Variants in MEGF8 observed in about 807,000 individuals in gnomAD.
MEGF8 encodes the protein multiple epidermal growth factor-like domains protein 8.
Under a neutral mutation model 302.9 loss-of-function variants are expected in MEGF8, and 156 were observed. That is an observed-to-expected ratio of 0.52 (90% CI 0.45 to 0.59). The LOEUF (loss-of-function observed/expected upper bound fraction) is 0.59, where lower values mean the gene tolerates loss of function less well. Among genes scored for constraint, MEGF8 ranks in the 20% least tolerant of loss-of-function variants. MEGF8 has a pLI of 0.00. For missense variants in MEGF8, 3,345 were observed against 3,964.5 expected (o/e 0.84, Z 4.20); for synonymous variants, 1,621 against 1,660.5 (o/e 0.98, Z 0.58).
At chr19:42,373,675 C>T (rs923217715) in intron 41 of MEGF8, among the ~76,000 whole-genome samples, 6 of 143,970 alleles carry the variant, frequency 4.2e-5, no homozygotes, top group Non-Finnish European at 7.5e-5. Context: ...GGATTCTAGG[C>T]GTGAGCCACC....
chr19:42,341,998 G>A (rs115881900), intron 8 of MEGF8, among the ~76,000 whole-genome samples: 6 of 152,190 alleles, frequency 3.9e-5, no homozygotes, highest in Non-Finnish European at 5.9e-5. Context: ...GAGGACAAGC[G>A]TAAGGAAGGA....
At chr19:42,371,274 T>G in intron 40 of MEGF8, 76 bp from the exon 41 acceptor site, 4 of 1,553,172 alleles carry the variant, frequency 2.6e-6, no homozygotes, top group Non-Finnish European at 2.6e-6. Flanking sequence ...TGCACAGAGT[T>G]GAGCTCACAT....
In MEGF8 at chr19:42,371,358, G is replaced by A; in HGVS notation, c.7145G>A (p.Cys2382Tyr). ...CTCAACTTCTTCCCCAGATGCCAGT[G>A]TAATGGCCACGCGGACACATGTAAC... ...LLDGKCTKCQ[C>Y]NGHADTCNEQ... The change falls in exon 41 of 42, where the codon TGT becomes TAT. Residue 2382 changes from cysteine to tyrosine, a missense_variant. Coordinates refer to ENST00000251268, the MANE Select transcript of MEGF8 (RefSeq NM_001271938.2). 6.2e-7 allele frequency: 1 copy of A among 1,613,906 alleles called. No individual in the cohort carries two copies. The highest frequency in any genetic ancestry group is 8.5e-7 in the Non-Finnish European group (1 of 1,179,842).
At position 42,351,912 on chromosome 19, in the gene MEGF8, C is replaced by T. The variant is rs2039379952; in HGVS notation, c.3101+151C>T. On this transcript the variant is annotated intron_variant, in intron 18 of 41. Transcript: ENST00000251268. This position sits in a 1 kb window ranked among gnomAD's most constrained non-coding sequence, Gnocchi z 5.6. ...CTGTTTTTCTGTTGTTTATTTTACC[C>T]TCCCGCTCTTTTTTCTCCATTTTTC... Among the ~76,000 whole-genome samples the T allele has an allele frequency of 6.6e-6, 1 of 152,168 alleles. No homozygotes were observed. The highest frequency in any genetic ancestry group is 1.5e-5 in the Non-Finnish European group (1 of 68,036).
rs571631264 is a variant in MEGF8 at position 42,332,707 on chromosome 19, G to A, written c.188-898G>A. Among the ~76,000 whole-genome samples, 5 of 152,360 alleles carry A rather than the reference G, an allele frequency of 3.3e-5. No homozygotes were observed. In the South Asian group the frequency reaches 1.0e-3, roughly 32 times the overall value. On this transcript the variant is annotated intron_variant, in intron 1 of 41. Transcript: ENST00000251268. ...ATCATGACAGCTGTGTTCTGAGAAG[G>A]AGCATTCTACGAGGCCCAGGTGAAA...
At chr19:42,331,907 G>A (rs544512237) in intron 1 of MEGF8, among the ~76,000 whole-genome samples, 1 of 151,026 alleles carries the variant, frequency 6.6e-6, no homozygotes, top group African/African-American at 2.4e-5. Flanking sequence ...CGCCCAGGCT[G>A]GAGTGCAGTG....
intron 13 of MEGF8, among the ~76,000 whole-genome samples, chr19:42,349,087 C>T (rs1294026562): frequency 6.6e-6 from 1 of 152,068 alleles, no homozygotes; most frequent in East Asian, 1.9e-4. Context: ...ATTGCCTGAA[C>T]CCAGAAGTTT....
Position 42,352,700 on chromosome 19 carries a change from C to T in MEGF8, c.3351-228C>T, listed in dbSNP as rs1426585388. On this transcript the variant is annotated intron_variant, in intron 19 of 41. Coordinates refer to ENST00000251268, the MANE Select transcript of MEGF8 (RefSeq NM_001271938.2). The surrounding 1 kb of genome is among the most constrained non-coding windows in gnomAD (Gnocchi z 4.4). ...ATAGTCTTCAGCGTTGCCATGGAGG[C>T]GGAGGAGGACCTAGTTGAAAGAGGT... The T allele has an allele frequency of 6.5e-5, 42 of 644,612 alleles. No individual in the cohort carries two copies. The highest frequency in any genetic ancestry group is 5.1e-4 in the South Asian group (26 of 51,034). 39.9% of individuals were successfully genotyped at this position (644,612 alleles called of 1,614,324 possible).
chr19:42,334,773 G>A lies in MEGF8; in HGVS notation c.559-262G>A, dbSNP rs138286599. ...TTTTTCTGTTGGTCTTCTTTTTTCC[G>A]TCTGTCTGCTTCCTTCTGATTGTTT... On this transcript the variant is annotated intron_variant, in intron 3 of 41. Transcript: ENST00000251268. Among the ~76,000 whole-genome samples, 309 of 151,490 alleles carry A rather than the reference G, an allele frequency of 2.0e-3. 2 individuals are homozygous for A. Among genetic ancestry groups the A allele is most frequent in the African/African-American group, 6.2e-3 (254 of 41,254 alleles).
chr19:42,349,739 C>G (rs764940315), intron 14 of MEGF8, 40 bp downstream of exon 14: 1 of 1,589,434 alleles, frequency 6.3e-7, no homozygotes, highest in Non-Finnish European at 8.6e-7. Context: ...AGCCGCAGGC[C>G]CCAGCCTCAG....
chr19:42,353,488 G>A lies in MEGF8; in HGVS notation c.3574G>A (p.Glu1192Lys), dbSNP rs1311411371. The stretch of plus-strand genomic sequence containing the variant: ...AGACTGGACATGGGGGGAGCACTGC[G>A]AACGATGCCGGCCCGGCAGCTTCGG... ...CQDWTWGEHC[E>K]RCRPGSFGNA... The change falls in exon 21 of 42, where the codon GAA becomes AAA. Residue 1192 changes from glutamate to lysine, a missense_variant. Physicochemically the swap from Glu to Lys is moderately conservative, Grantham distance 56. Coordinates refer to ENST00000251268, the MANE Select transcript of MEGF8 (RefSeq NM_001271938.2). This position sits in a 1 kb window ranked among gnomAD's most constrained non-coding sequence, Gnocchi z 6.1. 8.7e-6 allele frequency: 14 copies of A among 1,610,698 alleles called. No homozygotes were observed. Among genetic ancestry groups the A allele is most frequent in the Middle Eastern group, 1.9e-4 (1 of 5,366 alleles).
chr19:42,344,657 CCT>C lies in MEGF8; in HGVS notation c.1934-12_1934-11del, dbSNP rs760519882. ...CACACTGACCCACCGGCCCCCACCC[CCT>C]GTCTTCTCAGAGCAGGCCCGCTGCC... On this transcript the variant is annotated splice_polypyrimidine_tract_variant and intron_variant, in intron 11 of 41. Coordinates refer to ENST00000251268, the MANE Select transcript of MEGF8 (RefSeq NM_001271938.2). The surrounding 1 kb of genome is among the most constrained non-coding windows in gnomAD (Gnocchi z 4.5). 5 of 1,563,862 alleles carry C rather than the reference CCT, an allele frequency of 3.2e-6. No homozygotes were observed. The highest frequency in any genetic ancestry group is 2.3e-5 in the East Asian group (1 of 44,096).
chr19:42,353,231 C>A lies in MEGF8; in HGVS notation c.3550+104C>A. The A allele has an allele frequency of 8.7e-7, 1 of 1,142,926 alleles. No homozygotes were observed. The highest frequency in any genetic ancestry group is 1.2e-6 in the Non-Finnish European group (1 of 821,618). 70.8% of individuals were successfully genotyped at this position (1,142,926 alleles called of 1,614,324 possible). ...GAGGGGGCCTCAGTGTCCTCTCATG[C>A]AGCTCTAGGTCCCCTGCCCCATTCC... On this transcript the variant is annotated intron_variant, in intron 20 of 41. Transcript: ENST00000251268. The surrounding 1 kb of genome is among the most constrained non-coding windows in gnomAD (Gnocchi z 6.1).
chr19:42,351,822 A>G lies in MEGF8; in HGVS notation c.3101+61A>G. 2 of 1,374,820 alleles carry G rather than the reference A, an allele frequency of 1.5e-6. No homozygotes were observed. Among genetic ancestry groups the G allele is most frequent in the Non-Finnish European group, 2.0e-6 (2 of 988,744 alleles). The allele number at this position is 1,374,820 out of a possible 1,614,324, so 85.2% of individuals were successfully genotyped here. A position where few individuals can be genotyped will look rare whatever the true frequency, so the allele number is the denominator to read the frequency against. On this transcript the variant is annotated intron_variant, in intron 18 of 41. Transcript: ENST00000251268. The surrounding 1 kb of genome is among the most constrained non-coding windows in gnomAD (Gnocchi z 5.6). ...CTGTGTCCTTCCTCCATGACCGGTC[A>G]TTCTAATGGCCTCTTTGCTTCTCTG...
At chr19:42,337,992 G>A (rs1349953305) in intron 8 of MEGF8, among the ~76,000 whole-genome samples, 1 of 152,006 alleles carries the variant, frequency 6.6e-6, no homozygotes, top group Admixed American at 6.6e-5. Flanking sequence ...TTTTAGTAGA[G>A]ACAGTGTTTC....
Position 42,337,149 on chromosome 19 carries a change from C to A in MEGF8, c.1456C>A (p.Leu486Ile). ...CYEDGIFFYH[L>I]GCHQWVSGAE... ...CGAAGATGGCATCTTCTTCTACCACCTTGGCTGCCATCAATGGGTGTCAGG... is the reference window on the plus strand; with the variant it reads ...CGAAGATGGCATCTTCTTCTACCACATTGGCTGCCATCAATGGGTGTCAGG... The change falls in exon 8 of 42, where the codon CTT (leucine) becomes ATT (isoleucine). Residue 486 changes from leucine (L) to isoleucine (I), a missense_variant. Leu to Ile is a conservative substitution (Grantham distance 5, BLOSUM62 2). Transcript: ENST00000251268. 1 of 1,614,026 alleles carries A rather than the reference C, an allele frequency of 6.2e-7. No individual in the cohort carries two copies. The highest frequency in any genetic ancestry group is 1.1e-5 in the South Asian group (1 of 91,082).
chr19:42,353,703 G>T lies in MEGF8; in HGVS notation c.3761+28G>T. On this transcript the variant is annotated intron_variant, in intron 21 of 41. Coordinates refer to ENST00000251268, the MANE Select transcript of MEGF8 (RefSeq NM_001271938.2). The surrounding 1 kb of genome is among the most constrained non-coding windows in gnomAD (Gnocchi z 6.1). ...GAGCCAACGGGCCAGCCAGGGCTGG[G>T]TAGGGTGTGCTTGGGGACACAGTGG... 1 of 1,575,478 alleles carries T rather than the reference G, an allele frequency of 6.3e-7. No homozygotes were observed. The highest frequency in any genetic ancestry group is 8.7e-7 in the Non-Finnish European group (1 of 1,155,434).
chr19:42,360,874 C>G lies in MEGF8; in HGVS notation c.5588C>G (p.Ala1863Gly). The part of the protein sequence containing the change: ...LYISGGFGGV[A>G]LGRLLALTLP... ...ATCTCTGGGGGTTTCGGGGGAGTGGCCCTGGGCCGCCTGCTGGCACTGACC... is the reference window on the plus strand; with the variant it reads ...ATCTCTGGGGGTTTCGGGGGAGTGGGCCTGGGCCGCCTGCTGGCACTGACC... The change falls in exon 32 of 42, where the codon GCC becomes GGC. Residue 1863 changes from alanine (A) to glycine (G), a missense_variant. By Grantham distance (60) the Ala-to-Gly change is moderately conservative (BLOSUM62 0). Coordinates refer to ENST00000251268, the MANE Select transcript of MEGF8 (RefSeq NM_001271938.2). 6.2e-7 allele frequency: 1 copy of G among 1,613,510 alleles called. No homozygotes were observed. Among genetic ancestry groups the G allele is most frequent in the Non-Finnish European group, 8.5e-7 (1 of 1,179,868 alleles).
chr19:42,332,406 C>T (rs1361457051), intron 1 of MEGF8, among the ~76,000 whole-genome samples: 1 of 151,796 alleles, frequency 6.6e-6, no homozygotes, highest in Non-Finnish European at 1.5e-5. Flanking sequence ...TCGCTCTTGT[C>T]CCCCAGGCTA....
Sources: allele counts gnomAD v4.1 joint callset (sites outside exome capture counted in the v4.1 genomes callset), GRCh38; gene constraint gnomAD v4.1.1; non-coding constraint Gnocchi (gnomAD v3.1); transcripts MANE v1.5; gene names NCBI Gene and HGNC (gene_info 2026-07-23, HGNC 2026-07-21).